The following ESR1 variants were observed in gnomAD, a reference collection of about 807,000 sequenced individuals.
ESR1 encodes the protein estrogen receptor.
Under a neutral mutation model 52.7 loss-of-function variants are expected in ESR1, and 12 were observed. That is an observed-to-expected ratio of 0.23 (90% confidence interval 0.15 to 0.37). The LOEUF is 0.37. Ranked by LOEUF, ESR1 falls within the 10% of genes least tolerant of loss-of-function variation. The pLI, the probability that ESR1 is intolerant of heterozygous loss-of-function variation, is 1.00. For missense variants in ESR1, 584 were observed against 779.7 expected (o/e 0.75, Z 2.99); for synonymous variants, 305 against 316.8 (o/e 0.96, Z 0.39).
chr6:151,728,129 G>C (rs1781977982), intron 2 of ESR1, among the ~76,000 whole-genome samples: 1 of 152,128 alleles, frequency 6.6e-6, no homozygotes, highest in African/African-American at 2.4e-5. Flanking sequence ...GACTCAGGCT[G>C]CCTGGTTTGA....
intron 5 of ESR1, among the ~76,000 whole-genome samples, chr6:152,058,263 T>C (rs551396489): frequency 6.8e-4 from 104 of 152,272 alleles, no homozygotes; most frequent in African/African-American, 2.4e-3. Context: ...TAGTATGTTC[T>C]CCCCACTCAA....
rs368371494 is a variant in ESR1, at chr6:151,896,919, T to G, written c.760+16148T>G. The stretch of plus-strand genomic sequence containing the variant: ...AATTCGAAGAATTTTAAAATTTTCA[T>G]CTTGATTTCATTGTTGACCCAATGA... On this transcript the variant is annotated intron_variant, in intron 3 of 7. Transcript: ENST00000206249. Among the ~76,000 whole-genome samples the G allele has an allele frequency of 7.9e-5, 12 of 152,324 alleles. No individual in the cohort carries two copies. The East Asian group carries it at 2.3e-3, about 29-fold the overall frequency.
At chr6:151,697,395 C>T (rs1375534971) in intron 1 of ESR1, among the ~76,000 whole-genome samples, 1 of 152,292 alleles carries the variant, frequency 6.6e-6, no homozygotes, top group Middle Eastern at 3.4e-3. Flanking sequence ...GCTTGGTGCC[C>T]CATCTTCCTA....
chr6:151,689,371 T>C (rs1325663897), upstream of ESR1, among the ~76,000 whole-genome samples: 1 of 152,202 alleles, frequency 6.6e-6, no homozygotes, highest in Non-Finnish European at 1.5e-5. Flanking sequence ...TTATTCCTTG[T>C]GTAAGTGAAT....
At chr6:152,125,542 A>C in exon 7 of ESR1, 1 of 699,090 alleles carries the variant, frequency 1.4e-6, no homozygotes, top group Non-Finnish European at 2.1e-6. Flanking sequence ...AGCTACCCAC[A>C]AACTTTGGAT....
chr6:152,077,052 T>C (rs776429263), intron 6 of ESR1, among the ~76,000 whole-genome samples: 9 of 152,154 alleles, frequency 5.9e-5, no homozygotes, highest in Non-Finnish European at 8.8e-5. Context: ...GAGCATGTCA[T>C]AGGTCTTCAT....
At chr6:151,890,970 C>A (rs1308692869) in intron 3 of ESR1, among the ~76,000 whole-genome samples, 1 of 152,062 alleles carries the variant, frequency 6.6e-6, no homozygotes, top group African/African-American at 2.4e-5. Flanking sequence ...TCCTATCTTG[C>A]TGTCTTCCTT....
intron 6 of ESR1, among the ~76,000 whole-genome samples, chr6:152,072,534 A>G (rs1043248914): frequency 6.6e-6 from 1 of 152,166 alleles, no homozygotes; most frequent in African/African-American, 2.4e-5. Context: ...GGGACTGAAC[A>G]TGGGGTTTTG....
chr6:151,998,341 T>C (rs1322471671), intron 4 of ESR1, among the ~76,000 whole-genome samples: 1 of 152,050 alleles, frequency 6.6e-6, no homozygotes, highest in Non-Finnish European at 1.5e-5. Flanking sequence ...GAGGATATTA[T>C]AGTTGCCAAT....
rs181955777 is a variant in ESR1, at chr6:152,103,105, C to T, written c.*4139C>T. The T allele has an allele frequency of 1.8e-5, 4 of 218,464 alleles. No homozygotes were observed. The highest frequency in any genetic ancestry group is 1.3e-4 in the East Asian group (2 of 14,840). 13.5% of individuals were successfully genotyped at this position (218,464 alleles called of 1,614,324 possible). A position where few individuals can be genotyped will look rare whatever the true frequency, so the allele number is the denominator to read the frequency against. The stretch of plus-strand genomic sequence containing the variant: ...TTGATGGATTAATATGCCCTTTTGC[C>T]GATGCATACTATTACTGATGTGACT... On this transcript the variant is annotated 3_prime_UTR_variant, in exon 8 of 8. Transcript: ENST00000206249.
intron 3 of ESR1, among the ~76,000 whole-genome samples, chr6:151,903,659 C>T (rs1043283065): frequency 6.6e-6 from 1 of 152,226 alleles, no homozygotes; most frequent in African/African-American, 2.4e-5. Context: ...CATTGAGGCT[C>T]ATGCCAGTCT....
chr6:152,096,382 T>C (rs1245897441), intron 7 of ESR1, among the ~76,000 whole-genome samples: 1 of 152,176 alleles, frequency 6.6e-6, no homozygotes, highest in East Asian at 1.9e-4. Flanking sequence ...GGTAAGAAGT[T>C]TGCTCCATTA....
rs531267497 is a variant in ESR1 at position 151,907,786 on chromosome 6, G to A, written c.760+27015G>A. ...AGATAGGTACTTTTTCATGACTTTC[G>A]CCATATATTGTCAAAATGGAACCAA... On this transcript the variant is annotated intron_variant, in intron 3 of 7. Coordinates refer to ENST00000206249, the MANE Select transcript of ESR1 (RefSeq NM_000125.4). Among the ~76,000 whole-genome samples the A allele has an allele frequency of 8.6e-5, 13 of 151,984 alleles. No homozygotes were observed. The East Asian group carries it at 2.3e-3, about 27-fold the overall frequency.
chr6:151,665,053 A>G (rs974038009), intron 1 of ESR1, among the ~76,000 whole-genome samples: 3 of 152,232 alleles, frequency 2.0e-5, no homozygotes, highest in Admixed American at 6.5e-5. Flanking sequence ...TATTAGTATC[A>G]TGAACAGAAA....
chr6:151,991,436 C>T (rs996702587), intron 4 of ESR1, among the ~76,000 whole-genome samples: 8 of 147,446 alleles, frequency 5.4e-5, no homozygotes, highest in Non-Finnish European at 1.0e-4. Context: ...CTAAGTGCTA[C>T]AAGGAAAAAA....
chr6:151,677,438 G>A (rs921399065), intron 1 of ESR1, among the ~76,000 whole-genome samples: 16 of 152,214 alleles, frequency 1.1e-4, no homozygotes, highest in African/African-American at 3.9e-4. Flanking sequence ...CTGGGTGAGA[G>A]GGTCACTGTG....
intron 3 of ESR1, among the ~76,000 whole-genome samples, chr6:151,905,181 T>G (rs9340871): frequency 7.2e-5 from 11 of 152,130 alleles, no homozygotes; most frequent in Admixed American, 5.9e-4. Context: ...AAGGCAGAGC[T>G]GGTGGAGGAA....
intron 6 of ESR1, among the ~76,000 whole-genome samples, chr6:152,114,890 CAAAAAAA>C (rs60553265): frequency 9.7e-5 from 4 of 41,172 alleles, no homozygotes; most frequent in Non-Finnish European, 1.3e-4. Context: ...GACTCCGTCT[CAAAAAAA>C]AAAAAAAAAA....
chr6:151,780,355 A>C (rs376737232), intron 2 of ESR1, among the ~76,000 whole-genome samples: 9 of 152,090 alleles, frequency 5.9e-5, no homozygotes, highest in African/African-American at 1.9e-4. Flanking sequence ...CTTAAGGTAT[A>C]ATAAAAAAGA....
Sources: allele counts gnomAD v4.1 joint callset (sites outside exome capture counted in the v4.1 genomes callset), GRCh38; gene constraint gnomAD v4.1.1; transcripts MANE v1.5; gene names NCBI Gene and HGNC (gene_info 2026-07-23, HGNC 2026-07-21).